ANKRD13A: variants seen among roughly 807,000 people sequenced by gnomAD.
ANKRD13A encodes ankyrin repeat domain 13A.
In ANKRD13A, 48 loss-of-function variants were observed where a neutral mutation model predicts 81.3. The ratio of observed to expected loss-of-function variants is 0.59; its 90% CI spans 0.47 to 0.75. The LOEUF (loss-of-function observed/expected upper bound fraction) is 0.75. ANKRD13A is among the 30% of genes least tolerant of loss of function. The pLI, the probability that ANKRD13A is intolerant of heterozygous loss-of-function variation, is 0.00. For synonymous variants in ANKRD13A, 230 were observed against 270.1 expected, an observed-to-expected ratio of 0.85 and a Z score of 1.45; for missense variants, 612 against 734.0, an observed-to-expected ratio of 0.83 and a Z score of 1.92.
chr12:110,006,918 A>T (rs763448404), intron 1 of ANKRD13A, among the ~76,000 whole-genome samples: 1 of 152,194 alleles, frequency 6.6e-6, no homozygotes, highest in Non-Finnish European at 1.5e-5. Context: ...TTTTGCATGT[A>T]GATATGCAGT....
chr12:110,016,807 CTG>C (rs1890827119), intron 4 of ANKRD13A, among the ~76,000 whole-genome samples: 1 of 151,882 alleles, frequency 6.6e-6, no homozygotes, highest in African/African-American at 2.4e-5. Flanking sequence ...GAGTCTCACT[CTG>C]TTGTCCAGGC....
chr12:110,007,919 G>A (rs1224553587), intron 1 of ANKRD13A, among the ~76,000 whole-genome samples: 2 of 152,036 alleles, frequency 1.3e-5, no homozygotes, highest in Non-Finnish European at 1.5e-5. Flanking sequence ...ATAGTTTTTT[G>A]GTGGATTCCT....
rs201493633 is a variant in ANKRD13A, at chr12:110,008,981, CTTTTT to C, written c.97-3023_97-3019del. ...ATAAACTTATTCAGATTTTTGGTTT[CTTTTT>C]GAGTCAGTTTTGCTAGTTTGCATTT... On this transcript the variant is annotated intron_variant, in intron 1 of 14. Transcript: ENST00000261739. Among the ~76,000 whole-genome samples the C allele has an allele frequency of 7.7e-3, 1,173 of 152,252 alleles. 76 individuals are homozygous for C. The highest frequency in any genetic ancestry group is 0.073 in the Admixed American group (1,109 of 15,294).
intron 14 of ANKRD13A, 49 bp from the exon 15 acceptor site, chr12:110,037,310 A>G (rs1838841594): frequency 6.5e-7 from 1 of 1,536,212 alleles, no homozygotes; most frequent in South Asian, 1.2e-5. Flanking sequence ...TGCTGCCACC[A>G]TGATGATGAT....
At chr12:110,001,415 A>G (rs1593192403) in intron 1 of ANKRD13A, among the ~76,000 whole-genome samples, 1 of 143,034 alleles carries the variant, frequency 7.0e-6, no homozygotes, top group Admixed American at 7.0e-5. Flanking sequence ...GTCCAAAATT[A>G]CCCTCTTTTC....
chr12:110,033,402 A>G (rs942879980), intron 12 of ANKRD13A, among the ~76,000 whole-genome samples: 2 of 152,018 alleles, frequency 1.3e-5, no homozygotes, highest in African/African-American at 4.8e-5. Flanking sequence ...GGTGAAGGGC[A>G]CACAGGCATT....
Position 110,037,486 on chromosome 12 carries a change from G to A in ANKRD13A, c.1705G>A (p.Glu569Lys). The A allele has an allele frequency of 6.2e-7, 1 of 1,614,176 alleles. No homozygotes were observed. The highest frequency in any genetic ancestry group is 8.5e-7 in the Non-Finnish European group (1 of 1,180,032). ...ELSAKELEEW[E>K]LRLQEEEAEL... ...CTCTGCCAAAGAGCTGGAGGAATGG[G>A]AGCTCCGGCTCCAGGAGGAAGAGGC... Residue 569 changes from glutamate to lysine, a missense_variant, in exon 15 of 15, where the codon GAG becomes AAG. Physicochemically the swap from Glu to Lys is moderately conservative, Grantham distance 56 (BLOSUM62 1). Coordinates refer to ENST00000261739, the MANE Select transcript of ANKRD13A (RefSeq NM_033121.2).
intron 6 of ANKRD13A, among the ~76,000 whole-genome samples, chr12:110,020,488 T>A (rs969530640): frequency 1.3e-5 from 2 of 152,258 alleles, no homozygotes; most frequent in Non-Finnish European, 2.9e-5. Flanking sequence ...TGTCCAGGGC[T>A]GCTGCTAGGG....
At chr12:110,031,854 T>C (rs1891710334) in intron 12 of ANKRD13A, among the ~76,000 whole-genome samples, 2 of 152,028 alleles carry the variant, frequency 1.3e-5, no homozygotes, top group Non-Finnish European at 1.5e-5. Flanking sequence ...TTGAATCGTT[T>C]TTAAAAATTT....
At position 110,036,221 on chromosome 12, in the gene ANKRD13A, C is replaced by A. The variant is rs768695357; in HGVS notation, c.1510-40C>A. 6.3e-7 allele frequency: 1 copy of A among 1,588,374 alleles called. No individual in the cohort carries two copies. The highest frequency in any genetic ancestry group is 8.6e-7 in the Non-Finnish European group (1 of 1,156,794). On this transcript the variant is annotated intron_variant, in intron 13 of 14. Coordinates refer to ENST00000261739, the MANE Select transcript of ANKRD13A (RefSeq NM_033121.2). This position sits in a 1 kb window ranked among gnomAD's most constrained non-coding sequence, Gnocchi z 4.6. Reference sequence around the variant, plus strand: ...CCTTACCAGAATGGCACCAATTTCTCCTAAGACGTATTCATGTCTATCACA... The same window carrying A: ...CCTTACCAGAATGGCACCAATTTCTACTAAGACGTATTCATGTCTATCACA...
At chr12:110,011,981 TA>T in intron 1 of ANKRD13A, 23 bp from the exon 2 acceptor site, 1 of 1,575,576 alleles carries the variant, frequency 6.3e-7, no homozygotes, top group Non-Finnish European at 8.7e-7. Context: ...TCCAATTATG[TA>T]AATGCCAGTG....
rs912411947 is a variant in ANKRD13A at position 110,018,125 on chromosome 12, A to G, written c.401-220A>G. Reference sequence around the variant, plus strand: ...TCAGGATCAAGAATACTCTTGGGAAATTTATTTAGACTTTTTTTCTGGTGA... The same window carrying G: ...TCAGGATCAAGAATACTCTTGGGAAGTTTATTTAGACTTTTTTTCTGGTGA... On this transcript the variant is annotated intron_variant, in intron 4 of 14. Coordinates refer to ENST00000261739, the MANE Select transcript of ANKRD13A (RefSeq NM_033121.2). This position sits in a 1 kb window ranked among gnomAD's most constrained non-coding sequence, Gnocchi z 4.4. Among the ~76,000 whole-genome samples the G allele has an allele frequency of 6.6e-6, 1 of 152,180 alleles. No homozygotes were observed. Among genetic ancestry groups the G allele is most frequent in the Non-Finnish European group, 1.5e-5 (1 of 68,030 alleles).
chr12:110,036,436 C>A lies in ANKRD13A; in HGVS notation c.1577+108C>A. The stretch of plus-strand genomic sequence containing the variant: ...TTGGTCCTCAGGCAGATGTACGGTG[C>A]CACAAACTGGCAGGAAAGACTAGAA... On this transcript the variant is annotated intron_variant, in intron 14 of 14. Coordinates refer to ENST00000261739, the MANE Select transcript of ANKRD13A (RefSeq NM_033121.2). The surrounding 1 kb of genome is among the most constrained non-coding windows in gnomAD (Gnocchi z 4.6). The A allele has an allele frequency of 8.5e-7, 1 of 1,170,400 alleles. No homozygotes were observed. Among genetic ancestry groups the A allele is most frequent in the Non-Finnish European group, 1.3e-6 (1 of 782,106 alleles). 72.5% of individuals were successfully genotyped at this position (1,170,400 alleles called of 1,614,324 possible). A position where few individuals can be genotyped will look rare whatever the true frequency, so the allele number is the denominator to read the frequency against.
intron 1 of ANKRD13A, among the ~76,000 whole-genome samples, chr12:110,003,462 G>T (rs1890083026): frequency 1.3e-5 from 2 of 152,210 alleles, no homozygotes; most frequent in African/African-American, 4.8e-5. Context: ...TAGGAAACTG[G>T]CCTCAAGATT....
At position 110,036,076 on chromosome 12, in the gene ANKRD13A, T is replaced by C; in HGVS notation, c.1510-185T>C. The C allele has an allele frequency of 1.7e-6, 1 of 590,366 alleles. No homozygotes were observed. The highest frequency in any genetic ancestry group is 1.8e-5 in the South Asian group (1 of 54,224). 36.6% of individuals were successfully genotyped at this position (590,366 alleles called of 1,614,324 possible). On this transcript the variant is annotated intron_variant, in intron 13 of 14. Transcript: ENST00000261739. The surrounding 1 kb of genome is among the most constrained non-coding windows in gnomAD (Gnocchi z 4.6). Reference sequence around the variant, plus strand: ...TGGCTGTGAGTTAGGCTGTGGCATGTTACTACCTCCCACTTAGGTGTTGTT... The same window carrying C: ...TGGCTGTGAGTTAGGCTGTGGCATGCTACTACCTCCCACTTAGGTGTTGTT...
At chr12:110,016,720 A>T (rs1351299729) in intron 4 of ANKRD13A, among the ~76,000 whole-genome samples, 1 of 151,824 alleles carries the variant, frequency 6.6e-6, no homozygotes, top group Non-Finnish European at 1.5e-5. Context: ...TTTATAGCCG[A>T]CATCTATATT....
intron 1 of ANKRD13A, among the ~76,000 whole-genome samples, chr12:110,007,187 G>A (rs938444070): frequency 2.0e-5 from 3 of 152,158 alleles, no homozygotes; most frequent in Non-Finnish European, 4.4e-5. Flanking sequence ...TAGGTTTCTT[G>A]CATTTCCACA....
At chr12:110,008,899 C>T (rs538692179) in intron 1 of ANKRD13A, among the ~76,000 whole-genome samples, 3 of 152,050 alleles carry the variant, frequency 2.0e-5, no homozygotes, top group Admixed American at 6.6e-5. Context: ...AAAAACCCAT[C>T]TGGGCCTGCA....
intron 1 of ANKRD13A, among the ~76,000 whole-genome samples, chr12:110,003,681 T>G (rs1052025557): frequency 4.6e-5 from 7 of 152,130 alleles, no homozygotes; most frequent in African/African-American, 1.7e-4. Context: ...CACCTGAGGC[T>G]AGTGGGCAAG....
Sources: gnomAD v4.1 joint callset for allele counts (sites outside exome capture counted in the v4.1 genomes callset) on GRCh38, gnomAD v4.1.1 for gene constraint, Gnocchi (gnomAD v3.1) non-coding constraint, MANE v1.5 for transcripts, NCBI Gene and HGNC (gene_info 2026-07-23, HGNC 2026-07-21) for gene names.